Variants in RPL18 observed in about 807,000 individuals in gnomAD.
RPL18 encodes large ribosomal subunit protein eL18.
A neutral mutation model predicts 25.0 loss-of-function variants in RPL18; 4 were observed. That is an observed-to-expected ratio of 0.16 (90% CI 0.08 to 0.37). The LOEUF (loss-of-function observed/expected upper bound fraction) is 0.37, where lower values mean the gene tolerates loss of function less well. Among genes scored for constraint, RPL18 ranks in the 10% least tolerant of loss-of-function variants. RPL18 has a pLI of 1.00. For missense variants in RPL18, 179 were observed against 267.9 expected, an observed-to-expected ratio of 0.67 and a Z score of 2.32; for synonymous variants, 129 against 101.6, an observed-to-expected ratio of 1.27 and a Z score of -1.62.
At chr19:48,617,743 G>C in intron 2 of RPL18, 48 bp downstream of exon 2, 1 of 1,458,606 alleles carries the variant, frequency 6.9e-7, no homozygotes, top group Middle Eastern at 2.0e-4. Flanking sequence ...GGATCTGCAA[G>C]TCAGACCTGG....
Position 48,615,834 on chromosome 19 carries a change from G to A in RPL18, c.491+43C>T, listed in dbSNP as rs1266985102. On this transcript the variant is annotated intron_variant, in intron 6 of 6. Coordinates refer to ENST00000549920, the MANE Select transcript of RPL18 (RefSeq NM_000979.4). ...AGTGTGGCCAGGCCTGGCCCTGCAG[G>A]CTGAGTCTGGGGAGAGGGCAGGGCT... 8 of 1,543,654 alleles carry A rather than the reference G, an allele frequency of 5.2e-6. No homozygotes were observed. The East Asian group carries it at 1.6e-4, about 31-fold the overall frequency.
In RPL18 at chr19:48,615,446, G is replaced by A; in HGVS notation, c.493C>T (p.Pro165Ser). The A allele has an allele frequency of 2.5e-6, 4 of 1,612,252 alleles. No homozygotes were observed. The highest frequency in any genetic ancestry group is 3.4e-6 in the Non-Finnish European group (4 of 1,179,086). ...TTCCGGCCCTTGGAGCGGACGTAGG[G>A]TCTGTGGGGAGAGGAGGGAGTGAGA... ...APGTPHSHTK[P>S]YVRSKGRKFE... is the part of the protein sequence containing the mutation. The change falls in exon 7 of 7, where the codon CCC becomes TCC. Residue 165 changes from proline to serine, a missense_variant and splice_region_variant. Physicochemically the swap from Pro to Ser is moderately conservative, Grantham distance 74 (BLOSUM62 -1). Coordinates refer to ENST00000549920, the MANE Select transcript of RPL18 (RefSeq NM_000979.4).
chr19:48,617,624 A>G (rs960228001), intron 2 of RPL18, 167 bp downstream of exon 2: 3 of 689,762 alleles, frequency 4.3e-6, no homozygotes, highest in Non-Finnish European at 7.5e-6. Context: ...CGAGCTGTAC[A>G]CAGCCTAGAG....
At chr19:48,616,311 T>G in intron 4 of RPL18, 109 bp from the exon 5 acceptor site, 2 of 1,389,322 alleles carry the variant, frequency 1.4e-6, no homozygotes, top group Non-Finnish European at 9.9e-7. Context: ...TAACCAACAC[T>G]ATCGTTTACT....
intron 6 of RPL18, 56 bp from the exon 7 acceptor site, chr19:48,615,503 G>A (rs1399488238): frequency 9.1e-6 from 12 of 1,316,238 alleles, no homozygotes; most frequent in Non-Finnish European, 1.3e-5. Context: ...CCATTGTGGA[G>A]TGGCACAGGA....
rs200377029 is a variant in RPL18, at chr19:48,617,885, G to A, written c.4-8C>T. On this transcript the variant is annotated splice_polypyrimidine_tract_variant and splice_region_variant and intron_variant, in intron 1 of 6. Transcript: ENST00000549920. ...ATGGCGGATGTCCACTCCCTGTGGGGGTGAAGAGGCAACCATGGACCCAAT... is the reference window on the plus strand; with the variant it reads ...ATGGCGGATGTCCACTCCCTGTGGGAGTGAAGAGGCAACCATGGACCCAAT... The A allele has an allele frequency of 6.2e-7, 1 of 1,609,626 alleles. No homozygotes were observed. The highest frequency in any genetic ancestry group is 1.3e-5 in the African/African-American group (1 of 74,930).
At chr19:48,616,981 G>C (rs1170643388) in intron 3 of RPL18, 157 bp from the exon 4 acceptor site, 3 of 710,484 alleles carry the variant, frequency 4.2e-6, no homozygotes, top group South Asian at 1.5e-5. Context: ...GGTCCAGCTG[G>C]GGAAAGCTCC....
Position 48,615,455 on chromosome 19 carries a change from G to A in RPL18, c.492-8C>T. 6.2e-7 allele frequency: 1 copy of A among 1,608,858 alleles called. No homozygotes were observed. Among genetic ancestry groups the A allele is most frequent in the South Asian group, 1.1e-5 (1 of 90,386 alleles). ...TTGGAGCGGACGTAGGGTCTGTGGG[G>A]AGAGGAGGGAGTGAGAGGGGGGCCC... On this transcript the variant is annotated splice_polypyrimidine_tract_variant and splice_region_variant and intron_variant, in intron 6 of 6. Transcript: ENST00000549920.
rs1568424447 is a variant in RPL18, at chr19:48,616,214, G to A, written c.298-12C>T. On this transcript the variant is annotated splice_polypyrimidine_tract_variant and intron_variant, in intron 4 of 6. Transcript: ENST00000549920. Reference sequence around the variant, plus strand: ...CGCAGTGCACATACCTGGTGGAGAGGACAAGGCTGGCGGGTCAGACCCCTG... The same window carrying A: ...CGCAGTGCACATACCTGGTGGAGAGAACAAGGCTGGCGGGTCAGACCCCTG... 6 of 1,613,202 alleles carry A rather than the reference G, an allele frequency of 3.7e-6. No individual in the cohort carries two copies. Among genetic ancestry groups the A allele is most frequent in the East Asian group, 2.2e-5 (1 of 44,882 alleles).
intron 6 of RPL18, 28 bp downstream of exon 6, chr19:48,615,849 A>C (rs1368726891): frequency 4.4e-6 from 7 of 1,583,630 alleles, no homozygotes; most frequent in Non-Finnish European, 6.0e-6. Context: ...GTCTGGGGAG[A>C]GGGCAGGGCT....
intron 2 of RPL18, 98 bp from the exon 3 acceptor site, chr19:48,617,521 CTT>C: frequency 1.1e-6 from 1 of 934,226 alleles, no homozygotes; most frequent in Non-Finnish European, 1.7e-6. Flanking sequence ...CTAAAATAAT[CTT>C]TATCCCTTTC....
At position 48,617,839 on chromosome 19, in the gene RPL18, C is replaced by G. The variant is rs190658371; in HGVS notation, c.42G>C (p.Arg14=). Residue 14 remains arginine, a synonymous_variant, in exon 2 of 7, where the codon CGG becomes CGC. Transcript: ENST00000549920. ...DIRHNKDRKV[R]RKEPKSQDIY... ...TATCCTGGCTCTTGGGCTCCTTGCG[C>G]CGAACCTTTCGGTCCTTGTTATGGC... 9.5e-5 allele frequency: 154 copies of G among 1,614,208 alleles called. 2 individuals carry two copies. Among genetic ancestry groups the G allele is most frequent in the Admixed American group, 6.0e-4 (36 of 60,024 alleles).
At chr19:48,617,257 C>T (rs750178276) in intron 3 of RPL18, 59 bp downstream of exon 3, 2 of 1,347,426 alleles carry the variant, frequency 1.5e-6, no homozygotes, top group Non-Finnish European at 2.1e-6. Context: ...GCCTCCCTTC[C>T]AGACAGACAA....
intron 6 of RPL18, 140 bp downstream of exon 6, chr19:48,615,737 G>T: frequency 1.3e-6 from 1 of 759,804 alleles, no homozygotes; most frequent in Non-Finnish European, 2.2e-6. Context: ...GGGAAAAGCA[G>T]GCAGGATGAG....
intron 1 of RPL18, chr19:48,618,841 C>T: frequency 1.9e-6 from 1 of 512,826 alleles, no homozygotes; most frequent in Non-Finnish European, 3.5e-6. Flanking sequence ...AGCCAAATAA[C>T]TAAGAGTGGC....
chr19:48,616,329 G>A (rs1601138523), intron 4 of RPL18, 127 bp from the exon 5 acceptor site: 1 of 1,179,248 alleles, frequency 8.5e-7, no homozygotes, highest in Non-Finnish European at 1.2e-6. Flanking sequence ...ACTACCCGGA[G>A]CACCCTGGGC....
At chr19:48,616,853 G>A (rs763203097) in intron 3 of RPL18, 29 bp from the exon 4 acceptor site, 35 of 1,550,422 alleles carry the variant, frequency 2.3e-5, no homozygotes, top group Non-Finnish European at 3.0e-5. Context: ...TACGTCGTAA[G>A]TTGTTCTGGT....
At chr19:48,619,080 C>A in intron 1 of RPL18, 61 bp downstream of exon 1, 1 of 1,576,686 alleles carries the variant, frequency 6.3e-7, no homozygotes, top group Non-Finnish European at 8.6e-7. Flanking sequence ...GTGCCCCTAG[C>A]CCAAAACCAC....
chr19:48,616,966 C>T (rs1487027914), intron 3 of RPL18, 142 bp from the exon 4 acceptor site: 1 of 723,410 alleles, frequency 1.4e-6, no homozygotes, highest in Admixed American at 2.0e-5. Flanking sequence ...ACAGGCCTCT[C>T]CTCAGGTCCA....
Sources: gnomAD v4.1 joint callset for allele counts on GRCh38, gnomAD v4.1.1 for gene constraint, MANE v1.5 for transcripts, NCBI Gene and HGNC (gene_info 2026-07-23, HGNC 2026-07-21) for gene names.